The following OR3A2 variants were observed in gnomAD, a reference collection of about 807,000 sequenced individuals.
The protein encoded by OR3A2 is olfactory receptor 3A2.
For missense variants in OR3A2, 318 were observed against 392.8 expected, an observed-to-expected ratio of 0.81 and a Z score of 1.61; for synonymous variants, 126 against 159.3, an observed-to-expected ratio of 0.79 and a Z score of 1.57.
rs1400552539 is a variant in OR3A2, at chr17:3,282,564, C to T, written c.-7+1794G>A. 2.6e-5 allele frequency among the ~76,000 whole-genome samples: 4 copies of T among 152,266 alleles called. No homozygotes were observed. In the East Asian group the frequency reaches 7.7e-4, roughly 29 times the overall value. ...GAGGTCTCCACTGTGTGTGCTCAGG[C>T]CACGGGGAAGCTGCAGAGGGGATGC... is the stretch of plus-strand genomic sequence containing the variant. On this transcript the variant is annotated intron_variant, in intron 1 of 1. Transcript: ENST00000642052.
At chr17:3,285,941 G>A (rs2048806735), upstream of OR3A2, among the ~76,000 whole-genome samples, 2 of 152,198 alleles carry the variant, frequency 1.3e-5, no homozygotes, top group South Asian at 4.1e-4. Context: ...TATACTCTAA[G>A]TTCTGGGGTA....
At chr17:3,353,572 T>A (rs548951708) in intron 2 of OR3A2, among the ~76,000 whole-genome samples, 2 of 152,040 alleles carry the variant, frequency 1.3e-5, no homozygotes, top group East Asian at 3.9e-4. Flanking sequence ...GTTTTTATCA[T>A]AAAGGGATGT....
intron 3 of OR3A2, among the ~76,000 whole-genome samples, chr17:3,329,353 G>T (rs1219589589): frequency 6.7e-6 from 1 of 149,980 alleles, no homozygotes; most frequent in Non-Finnish European, 1.5e-5. Flanking sequence ...GACTCTTTTT[G>T]GTTGGTAAAC....
At chr17:3,367,028 G>A (rs2049570262) in intron 2 of OR3A2, among the ~76,000 whole-genome samples, 1 of 152,122 alleles carries the variant, frequency 6.6e-6, no homozygotes, top group African/African-American at 2.4e-5. Flanking sequence ...GAACATTAGT[G>A]GGCCACATGA....
chr17:3,321,332 C>G (rs2049120510), intron 3 of OR3A2, among the ~76,000 whole-genome samples: 1 of 152,140 alleles, frequency 6.6e-6, no homozygotes, highest in East Asian at 1.9e-4. Context: ...CAAACAGGGA[C>G]AATATGACTT....
intron 3 of OR3A2, chr17:3,310,947 C>A (rs771175050): frequency 1.7e-6 from 1 of 581,650 alleles, no homozygotes; most frequent in South Asian, 1.4e-5. Flanking sequence ...GGGTGTGGCC[C>A]CCTTGGTCCT....
rs2301145 is a variant in OR3A2 at position 3,317,092 on chromosome 17, G to A, written c.-85+18941C>T. On this transcript the variant is annotated intron_variant, in intron 3 of 4. Coordinates refer to the OR3A2 transcript ENST00000573491. ...CGGACAGGCAATAAGGTTGAGTACC[G>A]GTGCATAAACCCAGAAACTATTTAT... 6.1e-3 allele frequency among the ~76,000 whole-genome samples: 925 copies of A among 152,292 alleles called. 45 individuals carry two copies. In the East Asian group the frequency reaches 0.13, roughly 21 times the overall value.
chr17:3,386,241 C>T (rs2049775601), exon 1 of OR3A2: 2 of 398,568 alleles, frequency 5.0e-6, no homozygotes, highest in Admixed American at 4.4e-5. Context: ...TGTACTTCTT[C>T]GTGGCTCTGG....
chr17:3,337,146 T>C (rs1172911555), intron 2 of OR3A2, among the ~76,000 whole-genome samples: 1 of 152,220 alleles, frequency 6.6e-6, no homozygotes, highest in Admixed American at 6.5e-5. Flanking sequence ...TTTTTTATTT[T>C]AGTAAAATAT....
chr17:3,338,095 T>G (rs1460272059), intron 2 of OR3A2, among the ~76,000 whole-genome samples: 1 of 152,248 alleles, frequency 6.6e-6, no homozygotes, highest in Admixed American at 6.5e-5. Flanking sequence ...TCCATTCATA[T>G]GCTTTGCCCA....
intron 2 of OR3A2, among the ~76,000 whole-genome samples, chr17:3,371,835 A>AC (rs1567571191): frequency 9.0e-6 from 1 of 111,598 alleles, no homozygotes; most frequent in Non-Finnish European, 1.8e-5. Flanking sequence ...TGACCTCCCC[A>AC]CCACCTCCCG....
At chr17:3,339,961 G>C (rs538616112) in intron 2 of OR3A2, among the ~76,000 whole-genome samples, 3 of 152,090 alleles carry the variant, frequency 2.0e-5, no homozygotes, top group Non-Finnish European at 4.4e-5. Context: ...CCTGTTATTG[G>C]TCTATTCAGA....
At chr17:3,377,299 AAAT>A (rs1457809788) in intron 2 of OR3A2, among the ~76,000 whole-genome samples, 19 of 152,234 alleles carry the variant, frequency 1.2e-4, no homozygotes, top group Non-Finnish European at 1.5e-5. Context: ...TATAAAATGA[AAAT>A]AATAATGCCC....
chr17:3,285,834 ATGAG>A (rs2048805372), upstream of OR3A2, among the ~76,000 whole-genome samples: 1 of 152,220 alleles, frequency 6.6e-6, no homozygotes, highest in African/African-American at 2.4e-5. Context: ...GGAACCATTT[ATGAG>A]TGTTTGTCAT....
chr17:3,384,901 A>C (rs576868685), intron 1 of OR3A2, among the ~76,000 whole-genome samples: 55 of 152,254 alleles, frequency 3.6e-4, no homozygotes, highest in Non-Finnish European at 6.8e-4. Flanking sequence ...CAAAAAAAAA[A>C]GCTTGTCTGG....
intron 1 of OR3A2, among the ~76,000 whole-genome samples, chr17:3,281,604 C>A (rs2048777321): frequency 6.6e-6 from 1 of 151,962 alleles, no homozygotes. Flanking sequence ...ATACTTCCAA[C>A]GACTAGCTCT....
chr17:3,347,213 A>G (rs2150651256), intron 2 of OR3A2, among the ~76,000 whole-genome samples: 1 of 146,666 alleles, frequency 6.8e-6, no homozygotes, highest in South Asian at 2.3e-4. Flanking sequence ...ACCTTTTCAT[A>G]TGTCTGTTTG....
intron 2 of OR3A2, among the ~76,000 whole-genome samples, chr17:3,342,643 C>G (rs142843539): frequency 0.02 from 3,079 of 152,300 alleles, 35 homozygotes; most frequent in Middle Eastern, 0.037. Flanking sequence ...CCCGATCCTT[C>G]CTCTGGAAGC....
In OR3A2 at chr17:3,369,653, T is replaced by C. The variant is rs572338250; in HGVS notation, c.-179+14151A>G. Among the ~76,000 whole-genome samples the C allele has an allele frequency of 2.0e-5, 3 of 152,336 alleles. No individual in the cohort carries two copies. The South Asian group carries it at 6.2e-4, about 32-fold the overall frequency. On this transcript the variant is annotated intron_variant, in intron 2 of 4. Transcript: ENST00000573491. ...TTAGCTAGTATTTTGTTGAGGATTT[T>C]TGCATCTAAGTTCATCTAGGATATT...
Sources: allele counts gnomAD v4.1 joint callset (sites outside exome capture counted in the v4.1 genomes callset), GRCh38; gene constraint gnomAD v4.1.1; transcripts MANE v1.5; gene names NCBI Gene and HGNC (gene_info 2026-07-23, HGNC 2026-07-21).